Variants in TRPS1 observed in about 807,000 individuals in gnomAD.
TRPS1 encodes transcriptional repressor GATA binding 1, also known as zinc finger transcription factor Trps1.
In TRPS1, 6 loss-of-function variants were observed where a neutral mutation model predicts 101.2. The observed-to-expected ratio is 0.06, with a 90% CI of 0.03 to 0.12. The LOEUF (loss-of-function observed/expected upper bound fraction) is 0.12, where lower values mean the gene tolerates loss of function less well. Among genes scored for constraint, TRPS1 ranks in the 10% least tolerant of loss-of-function variants. The probability of loss-of-function intolerance (pLI) is 1.00; values close to 1 mark genes in which losing one functional copy is unlikely to be tolerated. For synonymous variants in TRPS1, 578 were observed against 589.8 expected, an observed-to-expected ratio of 0.98 and a Z score of 0.29; for missense variants, 1,363 against 1,567.0, an observed-to-expected ratio of 0.87 and a Z score of 2.20.
chr8:115,506,252 A>G (rs536321366), intron 5 of TRPS1, among the ~76,000 whole-genome samples: 1 of 151,170 alleles, frequency 6.6e-6, no homozygotes, highest in Admixed American at 6.6e-5. Flanking sequence ...AACATGCAGG[A>G]AAAAAAAACA....
intron 5 of TRPS1, among the ~76,000 whole-genome samples, chr8:115,516,821 C>T (rs1285941217): frequency 6.6e-6 from 1 of 151,454 alleles, no homozygotes; most frequent in African/African-American, 2.4e-5. Context: ...AGCTTAATCC[C>T]AAACCAGTGT....
chr8:115,472,640 A>G (rs1235970410), intron 5 of TRPS1, among the ~76,000 whole-genome samples: 1 of 152,186 alleles, frequency 6.6e-6, no homozygotes, highest in Non-Finnish European at 1.5e-5. Flanking sequence ...AAATTTTCTG[A>G]ACTTTTATGC....
chr8:115,535,276 C>CACATATAGCAT (rs1816272314), intron 5 of TRPS1, among the ~76,000 whole-genome samples: 1 of 111,262 alleles, frequency 9.0e-6, no homozygotes, highest in African/African-American at 3.4e-5. Context: ...ATATATATAG[C>CACATATAGCAT]ATATATAGCA....
chr8:115,480,257 GAAAT>G (rs1814718030), intron 5 of TRPS1, among the ~76,000 whole-genome samples: 1 of 152,038 alleles, frequency 6.6e-6, no homozygotes, highest in African/African-American at 2.4e-5. Context: ...GAGATGAAAT[GAAAT>G]ACCATACAAA....
In TRPS1 at chr8:115,587,266, A is replaced by G. The variant is rs762099552; in HGVS notation, c.2435T>C (p.Ile812Thr). 4 of 1,614,202 alleles carry G rather than the reference A, an allele frequency of 2.5e-6. No homozygotes were observed. The highest frequency in any genetic ancestry group is 3.4e-6 in the Non-Finnish European group (4 of 1,180,030). Residue 812 changes from isoleucine (I) to threonine (T), a missense_variant, in exon 5 of 7, where the codon ATC becomes ACC. Around this residue, in one of 5 missense-constraint regions of TRPS1, gnomAD observed 1,020 missense variants for 1,073.0 expected, o/e 0.95. Coordinates refer to ENST00000395715, the MANE Select transcript of TRPS1 (RefSeq NM_014112.5). ...LRNVTWRGAD[I>T]LRGSPSYTQA... is the part of the protein sequence containing the mutation. ...GGTGTATGACGGACTCCCCCGCAGG[A>G]TGTCTGCCCCTCTCCAAGTCACATT...
intron 5 of TRPS1, among the ~76,000 whole-genome samples, chr8:115,552,472 C>A (rs1334194866): frequency 1.3e-5 from 2 of 151,990 alleles, no homozygotes; most frequent in Non-Finnish European, 2.9e-5. Context: ...TACTTTAATG[C>A]AAAGATTAGT....
Position 115,606,807 on chromosome 8 carries a change from CAAA to C in TRPS1, c.967-1808_967-1806del, listed in dbSNP as rs72238288. Among the ~76,000 whole-genome samples, 543 of 123,420 alleles carry C rather than the reference CAAA, an allele frequency of 4.4e-3. 3 individuals carry two copies. Among genetic ancestry groups the C allele is most frequent in the African/African-American group, 0.015 (520 of 35,244 alleles). 81.0% of individuals were successfully genotyped at this position (123,420 alleles called of 152,430 possible). A position where few individuals can be genotyped will look rare whatever the true frequency, so the allele number is the denominator to read the frequency against. ...GGAGGTAAAGAGAAGGTTCATTTGC[CAAA>C]AAAAAAAAAAAAAAAAAATACATAT... is the stretch of plus-strand genomic sequence containing the variant. On this transcript the variant is annotated intron_variant, in intron 3 of 6. Coordinates refer to ENST00000395715, the MANE Select transcript of TRPS1 (RefSeq NM_014112.5).
chr8:115,650,192 G>T (rs1811528336), intron 1 of TRPS1, among the ~76,000 whole-genome samples: 1 of 152,124 alleles, frequency 6.6e-6, no homozygotes, highest in Non-Finnish European at 1.5e-5. Context: ...TTCTACTGTG[G>T]CTTAATTTGC....
In TRPS1 at chr8:115,667,862, C is replaced by G. The variant is rs768368182; in HGVS notation, c.-122+683G>C. On this transcript the variant is annotated intron_variant, in intron 1 of 6. Transcript: ENST00000395715. Reference sequence around the variant, plus strand: ...GAGACCCTCCCGACCCTCCCGAGTTCGCCCAACTTACTACTCTGCATGCTG... The same window carrying G: ...GAGACCCTCCCGACCCTCCCGAGTTGGCCCAACTTACTACTCTGCATGCTG... The G allele has an allele frequency of 9.9e-5, 152 of 1,535,218 alleles. 1 individual carries two copies. The South Asian group carries it at 1.8e-3, about 18-fold the overall frequency.
intron 5 of TRPS1, among the ~76,000 whole-genome samples, chr8:115,468,698 G>A (rs1043650609): frequency 4.6e-5 from 7 of 152,148 alleles, no homozygotes; most frequent in African/African-American, 1.7e-4. Flanking sequence ...AGCATTTCGA[G>A]AAACAAGTGA....
chr8:115,604,741 A>T lies in TRPS1; in HGVS notation c.1228T>A (p.Trp410Arg), dbSNP rs1425792251. The T allele has an allele frequency of 6.2e-7, 1 of 1,613,740 alleles. No individual in the cohort carries two copies. The highest frequency in any genetic ancestry group is 1.7e-5 in the Admixed American group (1 of 59,944). ...GCTTTGACTGTTATCTTGTCCTGCC[A>T]TTTTCCCAAGTCTCCAGAATCACTG... Reference protein sequence around the residue: ...QSSDSGDLGKWQDKITVKAGD... With the variant: ...QSSDSGDLGKRQDKITVKAGD... The change falls in exon 4 of 7, where the codon TGG becomes AGG. Residue 410 changes from tryptophan (W) to arginine (R), a missense_variant. Physicochemically the swap from Trp to Arg is moderately radical, Grantham distance 101. Coordinates refer to ENST00000395715, the MANE Select transcript of TRPS1 (RefSeq NM_014112.5). The surrounding 1 kb of genome is among the most constrained non-coding windows in gnomAD (Gnocchi z 4.1).
intron 3 of TRPS1, among the ~76,000 whole-genome samples, chr8:115,617,437 AC>A (rs1323426951): frequency 6.6e-6 from 1 of 152,140 alleles, no homozygotes; most frequent in Non-Finnish European, 1.5e-5. Flanking sequence ...ATAACTAAGA[AC>A]CTAACAAATA....
At chr8:115,557,812 G>A (rs935881480) in intron 5 of TRPS1, among the ~76,000 whole-genome samples, 1 of 152,242 alleles carries the variant, frequency 6.6e-6, no homozygotes, top group East Asian at 1.9e-4. Flanking sequence ...GTCAAATGCT[G>A]TTACAATTTC....
intron 5 of TRPS1, among the ~76,000 whole-genome samples, chr8:115,498,754 C>T (rs1204256268): frequency 2.6e-5 from 4 of 151,790 alleles, no homozygotes; most frequent in Non-Finnish European, 5.9e-5. Context: ...GAAGAAATGC[C>T]CTGGTTGATG....
Position 115,616,817 on chromosome 8 carries a change from G to C in TRPS1, c.966+2315C>G, listed in dbSNP as rs1818285863. ...TATAGTCAGCATTTTATCTCCCACA[G>C]CTTTTAGCCTCCACGAAGTTTAACC... On this transcript the variant is annotated intron_variant, in intron 3 of 6. Transcript: ENST00000395715. Among the ~76,000 whole-genome samples, 2 of 152,074 alleles carry C rather than the reference G, an allele frequency of 1.3e-5. 1 individual carries two copies. The highest frequency in any genetic ancestry group is 4.1e-4 in the South Asian group (2 of 4,824).
intron 5 of TRPS1, among the ~76,000 whole-genome samples, chr8:115,502,482 A>G (rs1815342498): frequency 6.6e-6 from 1 of 152,228 alleles, no homozygotes; most frequent in Non-Finnish European, 1.5e-5. Context: ...AAATGTGGAC[A>G]TTTGTAAGAC....
chr8:115,453,143 CCAGAGT>C (rs1813922956), intron 5 of TRPS1, among the ~76,000 whole-genome samples: 2 of 151,998 alleles, frequency 1.3e-5, no homozygotes, highest in African/African-American at 4.8e-5. Flanking sequence ...GCCTCAGCCT[CCAGAGT>C]AGCTGGGATT....
At chr8:115,665,211 C>T (rs533904005) in intron 1 of TRPS1, among the ~76,000 whole-genome samples, 1 of 152,096 alleles carries the variant, frequency 6.6e-6, no homozygotes, top group Non-Finnish European at 1.5e-5. Context: ...AAACAATTTG[C>T]TGCAAGTCCT....
At chr8:115,636,705 G>A (rs1818774694) in intron 1 of TRPS1, among the ~76,000 whole-genome samples, 2 of 152,152 alleles carry the variant, frequency 1.3e-5, no homozygotes, top group Admixed American at 6.5e-5. Flanking sequence ...CCTGAGGCCA[G>A]GAGTTCAAGA....
Sources: gnomAD v4.1 joint callset for allele counts (sites outside exome capture counted in the v4.1 genomes callset) on GRCh38, gnomAD v4.1.1 for gene constraint, gnomAD v4.1.1 regional missense constraint, Gnocchi (gnomAD v3.1) non-coding constraint, MANE v1.5 for transcripts, NCBI Gene and HGNC (gene_info 2026-07-23, HGNC 2026-07-21) for gene names.